SGCZ: variants seen among roughly 807,000 people sequenced by gnomAD.
SGCZ encodes zeta-sarcoglycan.
A neutral mutation model predicts 41.3 loss-of-function variants in SGCZ; 40 were observed. The ratio of observed to expected loss-of-function variants is 0.97; its 90% CI spans 0.75 to 1.26. SGCZ has a LOEUF of 1.26. Ranked by LOEUF, SGCZ falls within the 50% of genes most tolerant of loss-of-function variation. SGCZ has a pLI of 0.00. For missense variants in SGCZ, 552 were observed against 369.8 expected (o/e 1.49, Z -4.04); for synonymous variants, 206 against 137.5 (o/e 1.50, Z -3.49).
intron 1 of SGCZ, among the ~76,000 whole-genome samples, chr8:14,999,053 G>A (rs1041566064): frequency 3.3e-5 from 5 of 152,108 alleles, no homozygotes; most frequent in African/African-American, 9.7e-5. Context: ...AGGTGATGTT[G>A]GCAGAATTAT....
intron 3 of SGCZ, among the ~76,000 whole-genome samples, chr8:14,304,350 T>C (rs1029426926): frequency 6.6e-6 from 1 of 151,784 alleles, no homozygotes; most frequent in African/African-American, 2.4e-5. Flanking sequence ...TACCATCACT[T>C]TGGGATGCTG....
chr8:15,116,954 T>C (rs1319020269), intron 1 of SGCZ, among the ~76,000 whole-genome samples: 1 of 152,230 alleles, frequency 6.6e-6, no homozygotes, highest in East Asian at 1.9e-4. Context: ...AGTTCTAAGA[T>C]AGACATTTAT....
At chr8:14,294,410 G>C (rs1395627134) in intron 3 of SGCZ, among the ~76,000 whole-genome samples, 3 of 151,770 alleles carry the variant, frequency 2.0e-5, no homozygotes, top group Non-Finnish European at 2.9e-5. Flanking sequence ...TCTAAGGAAA[G>C]AAAGGTACCT....
At chr8:14,346,824 C>T (rs180915811) in intron 2 of SGCZ, among the ~76,000 whole-genome samples, 48 of 151,792 alleles carry the variant, frequency 3.2e-4, no homozygotes, top group East Asian at 2.7e-3. Flanking sequence ...TTTGTGTGCG[C>T]GCATGTTTGT....
chr8:14,894,511 C>A (rs961923960), intron 1 of SGCZ, among the ~76,000 whole-genome samples: 1 of 152,134 alleles, frequency 6.6e-6, no homozygotes, highest in Admixed American at 6.5e-5. Flanking sequence ...CAAATTTGCT[C>A]CCCAAGGGTC....
At chr8:14,394,151 T>C (rs10090482) in intron 2 of SGCZ, among the ~76,000 whole-genome samples, 757 of 65,636 alleles carry the variant, frequency 0.012, 13 homozygotes, top group Middle Eastern at 0.038. Flanking sequence ...ACCTTTTTTT[T>C]TTTTTTTTTT....
At chr8:14,594,544 G>T (rs546045536) in intron 1 of SGCZ, among the ~76,000 whole-genome samples, 1 of 150,296 alleles carries the variant, frequency 6.7e-6, no homozygotes, top group African/African-American at 2.5e-5. Context: ...CCATATAAAA[G>T]CATGGTGATG....
At chr8:15,221,455 C>A (rs540741482) in intron 1 of SGCZ, among the ~76,000 whole-genome samples, 1 of 152,222 alleles carries the variant, frequency 6.6e-6, no homozygotes, top group East Asian at 1.9e-4. Context: ...AGCTGTGTAC[C>A]GCACTTGGTG....
At chr8:14,547,982 A>G (rs956052350) in intron 2 of SGCZ, among the ~76,000 whole-genome samples, 1 of 152,204 alleles carries the variant, frequency 6.6e-6, no homozygotes, top group Non-Finnish European at 1.5e-5. Context: ...TTTCATTCAC[A>G]TGGCAGATAG....
chr8:14,230,277 T>A (rs1432219537), intron 4 of SGCZ, among the ~76,000 whole-genome samples: 1 of 152,092 alleles, frequency 6.6e-6, no homozygotes, highest in South Asian at 2.1e-4. Flanking sequence ...GGCAACTAAA[T>A]CCCAGAGACT....
chr8:15,189,765 G>A (rs1158935659), intron 1 of SGCZ, among the ~76,000 whole-genome samples: 1 of 152,036 alleles, frequency 6.6e-6, no homozygotes, highest in Non-Finnish European at 1.5e-5. Context: ...TGCCCAGGCT[G>A]GTGTTGAACT....
At chr8:14,097,054 G>A (rs555410419) in intron 7 of SGCZ, among the ~76,000 whole-genome samples, 4 of 151,952 alleles carry the variant, frequency 2.6e-5, no homozygotes, top group Non-Finnish European at 4.4e-5. Context: ...ACCACCTCCT[G>A]GATTCATTGA....
At chr8:14,817,557 C>A (rs1321906182) in intron 1 of SGCZ, among the ~76,000 whole-genome samples, 1 of 152,142 alleles carries the variant, frequency 6.6e-6, no homozygotes, top group African/African-American at 2.4e-5. Context: ...AATTCCCATT[C>A]CTGAGACACC....
intron 1 of SGCZ, among the ~76,000 whole-genome samples, chr8:14,990,642 T>A (rs1229657586): frequency 3.3e-5 from 5 of 152,134 alleles, no homozygotes; most frequent in Admixed American, 3.3e-4. Context: ...TGGCTCTCAC[T>A]GATTCTACAT....
At chr8:14,327,603 G>A (rs1802168793) in intron 2 of SGCZ, among the ~76,000 whole-genome samples, 1 of 152,112 alleles carries the variant, frequency 6.6e-6, no homozygotes, top group Non-Finnish European at 1.5e-5. Context: ...AGAGGACTGG[G>A]CATCCACAGT....
chr8:15,018,356 A>G lies in SGCZ; in HGVS notation c.39+219229T>C, dbSNP rs148221685. Among the ~76,000 whole-genome samples, 455 of 152,350 alleles carry G rather than the reference A, an allele frequency of 3.0e-3. 3 individuals are homozygous for G. Among genetic ancestry groups the G allele is most frequent in the African/African-American group, 0.01 (430 of 41,576 alleles). ...CTGAGTGAATGGATGAAGGCAATAA[A>G]TGAAAACAAATAAGCAAGAAAATAC... On this transcript the variant is annotated intron_variant, in intron 1 of 7. Coordinates refer to ENST00000382080, the MANE Select transcript of SGCZ (RefSeq NM_139167.4).
At chr8:15,139,390 C>A (rs1808235542) in intron 1 of SGCZ, among the ~76,000 whole-genome samples, 1 of 152,132 alleles carries the variant, frequency 6.6e-6, no homozygotes, top group Non-Finnish European at 1.5e-5. Flanking sequence ...TAAGTTGGGA[C>A]TTAATAAACA....
At chr8:14,569,590 G>T (rs1056132467) in intron 1 of SGCZ, among the ~76,000 whole-genome samples, 4 of 152,146 alleles carry the variant, frequency 2.6e-5, no homozygotes, top group Non-Finnish European at 5.9e-5. Flanking sequence ...TCATCATGGG[G>T]TCTACATTCT....
At chr8:15,155,476 T>G (rs1213597605) in intron 1 of SGCZ, among the ~76,000 whole-genome samples, 1 of 152,198 alleles carries the variant, frequency 6.6e-6, no homozygotes, top group Non-Finnish European at 1.5e-5. Flanking sequence ...CAACTTCAAT[T>G]TTTAGTATTC....
Sources: gnomAD v4.1 joint callset for allele counts (sites outside exome capture counted in the v4.1 genomes callset) on GRCh38, gnomAD v4.1.1 for gene constraint, MANE v1.5 for transcripts, NCBI Gene and HGNC (gene_info 2026-07-23, HGNC 2026-07-21) for gene names.